The following RAD51B variants were observed in gnomAD, a reference collection of about 807,000 sequenced individuals.
RAD51B encodes the protein DNA repair protein RAD51 homolog 2.
A neutral mutation model predicts 42.2 loss-of-function variants in RAD51B; 38 were observed. That is an observed-to-expected ratio of 0.90 (90% CI 0.70 to 1.18). The LOEUF (loss-of-function observed/expected upper bound fraction) is 1.18. Among genes scored for constraint, RAD51B ranks in the 50% most tolerant of loss-of-function variants. The probability of loss-of-function intolerance (pLI) is 0.00; values close to 1 mark genes in which losing one functional copy is unlikely to be tolerated. For missense variants in RAD51B, 373 were observed against 400.7 expected (o/e 0.93, Z 0.59); for synonymous variants, 154 against 145.2 (o/e 1.06, Z -0.43).
intron 7 of RAD51B, among the ~76,000 whole-genome samples, chr14:68,036,446 G>T (rs540257557): frequency 6.6e-6 from 1 of 152,298 alleles, no homozygotes; most frequent in South Asian, 2.1e-4. Flanking sequence ...TTCTTTGCCT[G>T]TTAAAGTAAT....
chr14:67,989,417 A>G (rs569912938), intron 7 of RAD51B, among the ~76,000 whole-genome samples: 4 of 152,242 alleles, frequency 2.6e-5, no homozygotes, highest in African/African-American at 7.2e-5. Context: ...CAGGTGGATC[A>G]CCTGAGGTCG....
chr14:68,408,482 G>C (rs1393609547), intron 8 of RAD51B, among the ~76,000 whole-genome samples: 1 of 152,200 alleles, frequency 6.6e-6, no homozygotes, highest in African/African-American at 2.4e-5. Flanking sequence ...CAAAGGCGTA[G>C]AAACCATCCA....
intron 7 of RAD51B, among the ~76,000 whole-genome samples, chr14:68,136,575 C>CAAAAAAAAAAAAAAAAAAAAAAAAAAAA (rs1204817902): frequency 2.2e-4 from 1 of 4,454 alleles, no homozygotes; most frequent in African/African-American, 3.5e-4. Context: ...GACTCCATCT[C>CAAAAAAAAAAAAAAAAAAAAAAAAAAAA]AAAAAAAAAA....
At chr14:68,016,240 C>G (rs2075775820) in intron 7 of RAD51B, among the ~76,000 whole-genome samples, 1 of 152,004 alleles carries the variant, frequency 6.6e-6, no homozygotes, top group South Asian at 2.1e-4. Flanking sequence ...GTAAAATAAA[C>G]ATATATAACT....
At position 68,565,847 on chromosome 14, in the gene RAD51B, T is replaced by G. The variant is rs1889392106; in HGVS notation, c.1037-28638T>G. On this transcript the variant is annotated intron_variant, in intron 10 of 10. Transcript: ENST00000487270. This position sits in a 1 kb window ranked among gnomAD's most constrained non-coding sequence, Gnocchi z 4.1. Reference sequence around the variant, plus strand: ...GTCTCACTCCATCCAGTTCTCCCAGTGCAACTGGGGAGGGTATCTGGATCT... The same window carrying G: ...GTCTCACTCCATCCAGTTCTCCCAGGGCAACTGGGGAGGGTATCTGGATCT... Among the ~76,000 whole-genome samples the G allele has an allele frequency of 6.6e-6, 1 of 152,210 alleles. No individual in the cohort carries two copies.
At chr14:68,413,240 G>A (rs758599388) in intron 9 of RAD51B, among the ~76,000 whole-genome samples, 3 of 152,170 alleles carry the variant, frequency 2.0e-5, no homozygotes, top group Non-Finnish European at 4.4e-5. Context: ...TATTTTTTAT[G>A]TCTCTTTGGT....
At chr14:68,117,646 T>C (rs914791478) in intron 7 of RAD51B, among the ~76,000 whole-genome samples, 1 of 152,200 alleles carries the variant, frequency 6.6e-6, no homozygotes, top group African/African-American at 2.4e-5. Context: ...ACTCTTGCAT[T>C]AGAAAGCAGA....
At chr14:68,094,906 A>G (rs1255899508) in intron 7 of RAD51B, among the ~76,000 whole-genome samples, 1 of 152,198 alleles carries the variant, frequency 6.6e-6, no homozygotes, top group Non-Finnish European at 1.5e-5. Context: ...CTTTTAAAGT[A>G]TTTTGTGATA....
chr14:67,996,066 A>T (rs2140301295), intron 7 of RAD51B, among the ~76,000 whole-genome samples: 1 of 151,796 alleles, frequency 6.6e-6, no homozygotes, highest in Admixed American at 6.6e-5. Flanking sequence ...GGAGTGTGGG[A>T]GGTGGGGAGA....
intron 10 of RAD51B, among the ~76,000 whole-genome samples, chr14:68,619,398 G>A (rs889296209): frequency 2.0e-5 from 3 of 151,430 alleles, no homozygotes; most frequent in Non-Finnish European, 2.9e-5. Context: ...GGGAGGTGGA[G>A]CTTGCAGTGA....
intron 10 of RAD51B, among the ~76,000 whole-genome samples, chr14:68,537,744 T>A (rs1887723083): frequency 6.6e-6 from 1 of 152,226 alleles, no homozygotes; most frequent in Admixed American, 6.5e-5. Context: ...ATATGCTCCC[T>A]TTGATAAAAT....
intron 10 of RAD51B, among the ~76,000 whole-genome samples, chr14:68,619,832 T>C (rs906405244): frequency 6.6e-6 from 1 of 152,262 alleles, no homozygotes; most frequent in Non-Finnish European, 1.5e-5. Flanking sequence ...ATTTTCTGCA[T>C]AGTGCACCTT....
At chr14:68,631,780 C>A (rs374762624) in intron 10 of RAD51B, among the ~76,000 whole-genome samples, 90 of 152,288 alleles carry the variant, frequency 5.9e-4, no homozygotes, top group African/African-American at 2.1e-3. Flanking sequence ...CTGGCTCACC[C>A]TTGAAGACGC....
chr14:67,907,413 A>T (rs1424077187), intron 7 of RAD51B, among the ~76,000 whole-genome samples: 1 of 152,074 alleles, frequency 6.6e-6, no homozygotes, highest in African/African-American at 2.4e-5. Context: ...AACAACAATT[A>T]TAATTTATTA....
At chr14:68,474,911 G>A (rs770913324) in intron 10 of RAD51B, among the ~76,000 whole-genome samples, 2 of 152,210 alleles carry the variant, frequency 1.3e-5, no homozygotes, top group Admixed American at 6.5e-5. Context: ...TAGTGCCGAG[G>A]AGGAATGCAG....
intron 7 of RAD51B, among the ~76,000 whole-genome samples, chr14:68,268,732 C>T (rs2081043234): frequency 6.6e-6 from 1 of 152,202 alleles, no homozygotes; most frequent in Admixed American, 6.5e-5. Flanking sequence ...TTCAAATCCT[C>T]AAAGGCACAG....
chr14:67,945,908 G>A (rs1210635738), intron 7 of RAD51B, among the ~76,000 whole-genome samples: 3 of 152,200 alleles, frequency 2.0e-5, no homozygotes, highest in African/African-American at 7.2e-5. Flanking sequence ...AAATTTCTCA[G>A]TGAGTTTCAT....
rs74058803 is a variant in RAD51B at position 68,096,292 on chromosome 14, T to G, written c.757-195592T>G. On this transcript the variant is annotated intron_variant, in intron 7 of 10. Coordinates refer to ENST00000471583, the MANE Select transcript of RAD51B (RefSeq NM_133510.4). ...TATTCAGGCTCCTTTTAGAGATGAG[T>G]ACTTCGAACTCTCTGCTATCCAGTT... 4.9e-4 allele frequency among the ~76,000 whole-genome samples: 74 copies of G among 152,338 alleles called. 1 individual carries two copies. The highest frequency in any genetic ancestry group is 1.7e-3 in the African/African-American group (72 of 41,582).
At chr14:68,668,803 A>C (rs1046651095) in intron 11 of RAD51B, among the ~76,000 whole-genome samples, 2 of 152,246 alleles carry the variant, frequency 1.3e-5, no homozygotes, top group Admixed American at 1.3e-4. Context: ...GCTGTGCTGA[A>C]GGTGACAAGT....
Sources: gnomAD v4.1 joint callset for allele counts (sites outside exome capture counted in the v4.1 genomes callset) on GRCh38, gnomAD v4.1.1 for gene constraint, Gnocchi (gnomAD v3.1) non-coding constraint, MANE v1.5 for transcripts, NCBI Gene and HGNC (gene_info 2026-07-23, HGNC 2026-07-21) for gene names.